Variants in JPH3 observed in about 807,000 individuals in gnomAD.
The protein encoded by JPH3 is junctophilin-3.
In JPH3, 11 loss-of-function variants were observed where a neutral mutation model predicts 59.6. That is an observed-to-expected ratio of 0.18 (90% CI 0.12 to 0.31). The LOEUF (loss-of-function observed/expected upper bound fraction) is 0.31, where lower values mean the gene tolerates loss of function less well. Ranked by LOEUF, JPH3 falls within the 10% of genes least tolerant of loss-of-function variation. JPH3 has a pLI of 1.00. For missense variants in JPH3, 1,202 were observed against 1,105.7 expected, an observed-to-expected ratio of 1.09 and a Z score of -1.24; for synonymous variants, 673 against 483.6, an observed-to-expected ratio of 1.39 and a Z score of -5.14.
intron 2 of JPH3, among the ~76,000 whole-genome samples, chr16:87,660,390 G>A (rs2032662281): frequency 6.6e-6 from 1 of 152,104 alleles, no homozygotes; most frequent in African/African-American, 2.4e-5. Flanking sequence ...CCCTGCTGTA[G>A]GGCTGGAGTG....
intron 1 of JPH3, among the ~76,000 whole-genome samples, chr16:87,626,476 C>T (rs1018129426): frequency 1.1e-4 from 16 of 152,232 alleles, no homozygotes; most frequent in Non-Finnish European, 1.9e-4. Flanking sequence ...GAGGTTTCAC[C>T]TGGGGCCCGG....
intron 2 of JPH3, among the ~76,000 whole-genome samples, chr16:87,671,546 TAGC>T (rs1225354928): frequency 1.3e-5 from 2 of 152,128 alleles, no homozygotes; most frequent in Admixed American, 6.5e-5. Flanking sequence ...CAGGCCCTAA[TAGC>T]AGGAGTCACC....
chr16:87,616,337 C>T (rs1249109657), intron 1 of JPH3, among the ~76,000 whole-genome samples: 3 of 151,044 alleles, frequency 2.0e-5, no homozygotes. Context: ...GGGTTCACGC[C>T]GTTCTCCTGC....
intron 2 of JPH3, among the ~76,000 whole-genome samples, chr16:87,645,452 G>A (rs1384709642): frequency 6.6e-6 from 1 of 152,222 alleles, no homozygotes; most frequent in Middle Eastern, 3.2e-3. Context: ...GGCTGTGGGA[G>A]GTGGCTAGGA....
chr16:87,656,770 TCAGCTTGGACTGC>T (rs2032516403), intron 2 of JPH3, among the ~76,000 whole-genome samples: 1 of 152,166 alleles, frequency 6.6e-6, no homozygotes, highest in Non-Finnish European at 1.5e-5. Context: ...GCCTTGTGGC[TCAGCTTGGACTGC>T]CATAACAAAA....
In JPH3 at chr16:87,697,293, G is replaced by GC. The variant is rs1216386297; in HGVS notation, c.*638dup. ...CAGGTCCTTCCCTCTTCTCGGCACT[G>GC]CCCCCGGCCTTCCATGAGAAGCCGA... On this transcript the variant is annotated 3_prime_UTR_variant, in exon 5 of 5. Coordinates refer to ENST00000284262, the MANE Select transcript of JPH3 (RefSeq NM_020655.4). 6.5e-6 allele frequency: 1 copy of GC among 152,784 alleles called. No homozygotes were observed. The highest frequency in any genetic ancestry group is 2.1e-4 in the South Asian group (1 of 4,846). The allele number at this position is 152,784 out of a possible 1,614,324, so 9.5% of individuals were successfully genotyped here. A position where few individuals can be genotyped will look rare whatever the true frequency, so the allele number is the denominator to read the frequency against.
intron 2 of JPH3, among the ~76,000 whole-genome samples, chr16:87,652,024 G>C (rs1046836547): frequency 5.3e-5 from 8 of 152,114 alleles, no homozygotes; most frequent in Non-Finnish European, 1.0e-4. Context: ...GCCCAGGCTG[G>C]AGTGCAGTGG....
chr16:87,682,299 G>A (rs190249757), intron 2 of JPH3, among the ~76,000 whole-genome samples: 102 of 152,318 alleles, frequency 6.7e-4, no homozygotes, highest in African/African-American at 2.2e-3. Flanking sequence ...TGAACAGTGT[G>A]TGGTTTCCAG....
At chr16:87,689,152 C>T (rs1053305038) in intron 3 of JPH3, among the ~76,000 whole-genome samples, 25 of 152,266 alleles carry the variant, frequency 1.6e-4, no homozygotes, top group Admixed American at 4.6e-4. Context: ...ACGCTGGCCC[C>T]GGCACTGGCT....
intron 4 of JPH3, among the ~76,000 whole-genome samples, chr16:87,690,778 C>T (rs1357678182): frequency 6.6e-6 from 1 of 150,920 alleles, no homozygotes; most frequent in African/African-American, 2.4e-5. Context: ...GCACACGAAA[C>T]TCCTGGTTTC....
At position 87,689,744 on chromosome 16, in the gene JPH3, C is replaced by T. The variant is rs1450639653; in HGVS notation, c.1384C>T (p.Arg462Cys). 6 of 1,612,254 alleles carry T rather than the reference C, an allele frequency of 3.7e-6. No homozygotes were observed. The highest frequency in any genetic ancestry group is 1.1e-5 in the South Asian group (1 of 91,034). Residue 462 changes from arginine to cysteine, a missense_variant, in exon 4 of 5, where the codon CGC (arginine) becomes TGC (cysteine). By Grantham distance (180) the Arg-to-Cys change is radical. Transcript: ENST00000284262. ...PLQQESPELY[R>C]KGTTPSDLTP... ...GCAGCAGGAGAGCCCCGAGCTGTAC[C>T]GCAAGGGCACCACTCCCTCCGACCT...
intron 2 of JPH3, among the ~76,000 whole-genome samples, chr16:87,666,390 AT>A (rs538663195): frequency 4.4e-3 from 617 of 141,414 alleles, no homozygotes; most frequent in South Asian, 7.8e-3. Flanking sequence ...CGCCTGGCCT[AT>A]TTTTTTTTTT....
At chr16:87,673,616 G>A (rs2033071878) in intron 2 of JPH3, among the ~76,000 whole-genome samples, 1 of 152,184 alleles carries the variant, frequency 6.6e-6, no homozygotes, top group Admixed American at 6.5e-5. Context: ...CGGACTTCAT[G>A]TGTTCTGGAA....
chr16:87,619,710 C>G (rs1280576380), intron 1 of JPH3, among the ~76,000 whole-genome samples: 2 of 152,238 alleles, frequency 1.3e-5, no homozygotes, highest in East Asian at 3.9e-4. Flanking sequence ...ACACAAGTAT[C>G]TACTGAGCGC....
intron 1 of JPH3, among the ~76,000 whole-genome samples, chr16:87,640,581 C>T (rs2031915289): frequency 6.6e-6 from 1 of 152,006 alleles, no homozygotes; most frequent in Middle Eastern, 3.4e-3. Context: ...TTAGTAGAGA[C>T]AGGATTTCAC....
chr16:87,636,065 G>A (rs896353221), intron 1 of JPH3, among the ~76,000 whole-genome samples: 40 of 152,240 alleles, frequency 2.6e-4, no homozygotes, highest in African/African-American at 8.9e-4. Context: ...GGCAGCTTGC[G>A]GGGCAGCTTT....
chr16:87,665,146 A>G (rs1456583908), intron 2 of JPH3, among the ~76,000 whole-genome samples: 1 of 151,978 alleles, frequency 6.6e-6, no homozygotes, highest in Non-Finnish European at 1.5e-5. Flanking sequence ...TATGGGGGAG[A>G]TCACTGGCCT....
chr16:87,621,623 C>G (rs536190502), intron 1 of JPH3, among the ~76,000 whole-genome samples: 1 of 152,360 alleles, frequency 6.6e-6, no homozygotes, highest in Non-Finnish European at 1.5e-5. Flanking sequence ...CTGTCTCAGA[C>G]GGTGGATGCA....
chr16:87,683,593 T>G (rs578233905), intron 2 of JPH3, among the ~76,000 whole-genome samples: 81 of 144,426 alleles, frequency 5.6e-4, no homozygotes, highest in African/African-American at 2.0e-3. Flanking sequence ...CGTGAGCCAC[T>G]GTGCCCAGCC....
Sources: allele counts gnomAD v4.1 joint callset (sites outside exome capture counted in the v4.1 genomes callset), GRCh38; gene constraint gnomAD v4.1.1; transcripts MANE v1.5; gene names NCBI Gene and HGNC (gene_info 2026-07-23, HGNC 2026-07-21).